TUT4: variants seen among roughly 807,000 people sequenced by gnomAD.
TUT4 encodes the protein terminal uridylyltransferase 4.
A neutral mutation model predicts 192.2 loss-of-function variants in TUT4; 36 were observed. The observed-to-expected ratio is 0.19, with a 90% CI of 0.14 to 0.25. The LOEUF (loss-of-function observed/expected upper bound fraction) is 0.25, where lower values mean the gene tolerates loss of function less well. Among genes scored for constraint, TUT4 ranks in the 10% least tolerant of loss-of-function variants. The probability of loss-of-function intolerance (pLI) is 1.00; values close to 1 mark genes in which losing one functional copy is unlikely to be tolerated. For synonymous variants in TUT4, 618 were observed against 666.0 expected, an observed-to-expected ratio of 0.93 and a Z score of 1.11; for missense variants, 1,493 against 1,957.2, an observed-to-expected ratio of 0.76 and a Z score of 4.47.
At chr1:52,539,948 C>T (rs1407756389) in intron 1 of TUT4, among the ~76,000 whole-genome samples, 1 of 148,490 alleles carries the variant, frequency 6.7e-6, no homozygotes, top group Non-Finnish European at 1.5e-5. Flanking sequence ...CGCGGGACTA[C>T]AGGCTCACAC....
Position 52,436,830 on chromosome 1 carries a change from A to G in TUT4, c.4087T>C (p.Cys1363Arg). The G allele has an allele frequency of 6.2e-7, 1 of 1,613,028 alleles. No homozygotes were observed. The highest frequency in any genetic ancestry group is 8.5e-7 in the Non-Finnish European group (1 of 1,179,944). ...CTTCGTACATGTCCAGCATCTCCAC[A>G]TATAAAACATCTGAGGTCTCTCGGG... ...RDPRDLRCFI[C>R]GDAGHVRREC... The change falls in exon 26 of 30, where the codon TGT (cysteine) becomes CGT (arginine). Residue 1363 changes from cysteine (C) to arginine (R), a missense_variant. Physicochemically the swap from Cys to Arg is radical, Grantham distance 180. This residue lies in a region of TUT4 where 351 missense variants were observed against 397.8 expected (regional missense o/e 0.88). Coordinates refer to ENST00000257177, the MANE Select transcript of TUT4 (RefSeq NM_001009881.3).
At chr1:52,461,879 A>G (rs1332901026) in intron 16 of TUT4, 110 bp from the exon 17 acceptor site, 5 of 658,068 alleles carry the variant, frequency 7.6e-6, no homozygotes, top group African/African-American at 3.8e-5. Context: ...ATAAAGCTCT[A>G]TAATAACCTT....
chr1:52,481,063 T>G (rs1570770309), intron 11 of TUT4, among the ~76,000 whole-genome samples: 1 of 152,152 alleles, frequency 6.6e-6, no homozygotes, highest in African/African-American at 2.4e-5. Flanking sequence ...TAAGCAAAGC[T>G]ACCCTCTCTT....
chr1:52,468,121 G>A, intron 15 of TUT4, 60 bp downstream of exon 15: 3 of 1,235,984 alleles, frequency 2.4e-6, no homozygotes, highest in Non-Finnish European at 1.2e-6. Context: ...TTAAATAAAT[G>A]AAACTCAAGA....
intron 20 of TUT4, among the ~76,000 whole-genome samples, chr1:52,454,961 CATA>C (rs1461910534): frequency 2.6e-5 from 4 of 152,172 alleles, no homozygotes; most frequent in Admixed American, 2.6e-4. Flanking sequence ...AAGATTTCCG[CATA>C]ATGTCATCAG....
intron 24 of TUT4, among the ~76,000 whole-genome samples, chr1:52,443,521 G>A (rs538506250): frequency 1.3e-4 from 19 of 151,476 alleles, no homozygotes; most frequent in African/African-American, 3.6e-4. Context: ...CCTGGGAGGC[G>A]GAGGTTGTGG....
intron 1 of TUT4, among the ~76,000 whole-genome samples, chr1:52,530,127 G>A (rs1445512124): frequency 1.3e-5 from 2 of 152,050 alleles, no homozygotes; most frequent in Non-Finnish European, 2.9e-5. Context: ...ACAGGCATGA[G>A]TCACTGCGTC....
intron 3 of TUT4, 99 bp from the exon 4 acceptor site, chr1:52,509,811 A>C: frequency 1.3e-6 from 1 of 773,428 alleles, no homozygotes; most frequent in East Asian, 2.5e-5. Context: ...GTAGACAGAA[A>C]TAAGCACTGA....
intron 1 of TUT4, among the ~76,000 whole-genome samples, chr1:52,547,856 G>A (rs1688482087): frequency 6.6e-6 from 1 of 152,188 alleles, no homozygotes; most frequent in Non-Finnish European, 1.5e-5. Context: ...GGAGGAGGAA[G>A]GAATGGGGAG....
At position 52,510,296 on chromosome 1, in the gene TUT4, C is replaced by T. The variant is rs1465243736; in HGVS notation, c.883-584G>A. ...CATCACTGCACTCAAGCCTGGGCAACAGAGCAAGACTTCGTATTAACAAAA... is the reference window on the plus strand; with the variant it reads ...CATCACTGCACTCAAGCCTGGGCAATAGAGCAAGACTTCGTATTAACAAAA... On this transcript the variant is annotated intron_variant, in intron 3 of 29. Coordinates refer to ENST00000257177, the MANE Select transcript of TUT4 (RefSeq NM_001009881.3). 2.9e-5 allele frequency among the ~76,000 whole-genome samples: 3 copies of T among 104,230 alleles called. No individual in the cohort carries two copies. In the Admixed American group the frequency reaches 4.4e-4, roughly 15 times the overall value. The allele number at this position is 104,230 out of a possible 152,430, so 68.4% of individuals were successfully genotyped here.
intron 27 of TUT4, chr1:52,433,785 T>C (rs1652870649): frequency 6.6e-6 from 1 of 152,178 alleles, no homozygotes; most frequent in Non-Finnish European, 1.5e-5. Context: ...TAATCAGAAT[T>C]TGCCTCAGGT....
chr1:52,482,178 G>A (rs1333231319), intron 9 of TUT4, among the ~76,000 whole-genome samples: 2 of 151,880 alleles, frequency 1.3e-5, no homozygotes, highest in African/African-American at 4.8e-5. Context: ...TTATTTTACT[G>A]TGGACACATT....
intron 24 of TUT4, among the ~76,000 whole-genome samples, chr1:52,439,753 C>A (rs1313841622): frequency 6.6e-6 from 1 of 152,172 alleles, no homozygotes; most frequent in Non-Finnish European, 1.5e-5. Flanking sequence ...CAAAATGACA[C>A]AGCAATTACA....
chr1:52,491,645 C>T (rs1570903869), intron 7 of TUT4, among the ~76,000 whole-genome samples: 1 of 152,068 alleles, frequency 6.6e-6, no homozygotes, highest in East Asian at 1.9e-4. Flanking sequence ...CGAGATCGTG[C>T]CACTACATTC....
chr1:52,436,322 C>G (rs1394458206), intron 26 of TUT4, among the ~76,000 whole-genome samples: 1 of 152,048 alleles, frequency 6.6e-6, no homozygotes, highest in South Asian at 2.1e-4. Flanking sequence ...CATGTCTCTA[C>G]TAAAAGTCTA....
intron 3 of TUT4, chr1:52,514,713 C>CTAT (rs1557911846): frequency 6.6e-6 from 1 of 151,602 alleles, no homozygotes; most frequent in East Asian, 1.9e-4. Flanking sequence ...GAATGATGAC[C>CTAT]TATTTCCTTG....
intron 1 of TUT4, among the ~76,000 whole-genome samples, chr1:52,536,011 G>C (rs1212347892): frequency 6.6e-6 from 1 of 152,156 alleles, no homozygotes; most frequent in Non-Finnish European, 1.5e-5. Context: ...TCTTAATGCT[G>C]AGATGAAAAG....
intron 2 of TUT4, 60 bp downstream of exon 2, chr1:52,525,503 T>TA (rs1681514701): frequency 1.3e-6 from 2 of 1,527,462 alleles, no homozygotes; most frequent in South Asian, 2.7e-5. Context: ...TTAAAATGGT[T>TA]AAACCGGGGA....
intron 4 of TUT4, among the ~76,000 whole-genome samples, chr1:52,498,969 C>G (rs1673354757): frequency 1.0e-5 from 1 of 99,990 alleles, no homozygotes; most frequent in African/African-American, 4.1e-5. Flanking sequence ...TGACATTTTT[C>G]ACAGAAATAT....
Sources: gnomAD v4.1 joint callset for allele counts (sites outside exome capture counted in the v4.1 genomes callset) on GRCh38, gnomAD v4.1.1 for gene constraint, gnomAD v4.1.1 regional missense constraint, MANE v1.5 for transcripts, NCBI Gene and HGNC (gene_info 2026-07-23, HGNC 2026-07-21) for gene names.